SYN3: variants seen among roughly 807,000 people sequenced by gnomAD.
SYN3 encodes synapsin III, also known as synapsin-3.
A neutral mutation model predicts 65.8 loss-of-function variants in SYN3; 35 were observed. The ratio of observed to expected loss-of-function variants is 0.53; its 90% CI spans 0.41 to 0.70. The LOEUF (loss-of-function observed/expected upper bound fraction) is 0.70, where lower values mean the gene tolerates loss of function less well. Among genes scored for constraint, SYN3 ranks in the 30% least tolerant of loss-of-function variants. SYN3 has a pLI of 0.00. For synonymous variants in SYN3, 270 were observed against 292.9 expected, an observed-to-expected ratio of 0.92 and a Z score of 0.80; for missense variants, 680 against 749.0, an observed-to-expected ratio of 0.91 and a Z score of 1.08.
intron 3 of SYN3, among the ~76,000 whole-genome samples, chr22:32,945,209 A>G (rs1051014286): frequency 5.9e-5 from 9 of 152,254 alleles, no homozygotes; most frequent in Admixed American, 4.6e-4. Context: ...TTCATATGGA[A>G]CCAAAAAAGA....
chr22:33,019,145 T>C (rs2053520060), intron 1 of SYN3, among the ~76,000 whole-genome samples: 1 of 152,196 alleles, frequency 6.6e-6, no homozygotes, highest in African/African-American at 2.4e-5. Context: ...CACATATCCC[T>C]AGGATAAAGG....
intron 7 of SYN3, among the ~76,000 whole-genome samples, chr22:32,574,202 C>T (rs74343623): frequency 0.17 from 25,092 of 151,856 alleles, 2,413 homozygotes; most frequent in African/African-American, 0.26. Context: ...CATCGTGAGC[C>T]GGGTACAGTG....
chr22:32,594,897 T>C (rs1486098052), intron 7 of SYN3, among the ~76,000 whole-genome samples: 2 of 152,150 alleles, frequency 1.3e-5, no homozygotes, highest in Admixed American at 6.5e-5. Context: ...CACGTCTGGG[T>C]GGGCCTACTC....
At chr22:32,585,847 G>A (rs1053662905) in intron 7 of SYN3, among the ~76,000 whole-genome samples, 2 of 151,524 alleles carry the variant, frequency 1.3e-5, no homozygotes, top group Non-Finnish European at 2.9e-5. Context: ...GGGCATGTGT[G>A]TCTTTTATAT....
chr22:32,521,270 A>G (rs2057875986), intron 12 of SYN3, among the ~76,000 whole-genome samples: 1 of 152,132 alleles, frequency 6.6e-6, no homozygotes, highest in South Asian at 2.1e-4. Flanking sequence ...GGAAGTGAGG[A>G]GTAGGGCTGG....
chr22:32,988,276 C>G (rs2052589275), intron 2 of SYN3, among the ~76,000 whole-genome samples: 1 of 150,044 alleles, frequency 6.7e-6, no homozygotes, highest in Admixed American at 6.7e-5. Context: ...CACTGCACTC[C>G]AGTCTGGCAA....
At chr22:32,807,304 A>ATC (rs1256730317) in intron 6 of SYN3, among the ~76,000 whole-genome samples, 1 of 129,186 alleles carries the variant, frequency 7.7e-6, no homozygotes, top group Non-Finnish European at 1.6e-5. Context: ...ATATATATAT[A>ATC]TAAATATATA....
intron 3 of SYN3, among the ~76,000 whole-genome samples, chr22:32,975,324 G>A (rs1196237415): frequency 6.7e-6 from 1 of 150,348 alleles, no homozygotes; most frequent in Non-Finnish European, 1.5e-5. Flanking sequence ...GCAGTGAGCG[G>A]AGATCTCACC....
At chr22:32,631,390 C>A (rs558745130) in intron 6 of SYN3, among the ~76,000 whole-genome samples, 1 of 151,626 alleles carries the variant, frequency 6.6e-6, no homozygotes, top group Non-Finnish European at 1.5e-5. Flanking sequence ...TATTTTCAAA[C>A]GCTTGTCTCT....
chr22:32,719,273 C>T (rs1266659425), intron 6 of SYN3, among the ~76,000 whole-genome samples: 1 of 152,214 alleles, frequency 6.6e-6, no homozygotes, highest in Non-Finnish European at 1.5e-5. Context: ...GGCATAATTC[C>T]TAGCATACAG....
At chr22:32,875,619 A>G (rs1191432495) in intron 4 of SYN3, among the ~76,000 whole-genome samples, 1 of 152,210 alleles carries the variant, frequency 6.6e-6, no homozygotes, top group Non-Finnish European at 1.5e-5. Flanking sequence ...CCAATGACTG[A>G]TGTCTTTAGG....
chr22:32,720,524 C>T (rs1019983277), intron 6 of SYN3, among the ~76,000 whole-genome samples: 2 of 152,194 alleles, frequency 1.3e-5, no homozygotes, highest in African/African-American at 2.4e-5. Flanking sequence ...TGCCTTGCCC[C>T]GAATCACACT....
At chr22:32,633,735 A>G (rs1001783868) in intron 6 of SYN3, among the ~76,000 whole-genome samples, 15 of 151,950 alleles carry the variant, frequency 9.9e-5, no homozygotes, top group East Asian at 7.7e-4. Flanking sequence ...CAAGCCTCCT[A>G]CCTCAGCCTC....
intron 6 of SYN3, among the ~76,000 whole-genome samples, chr22:32,689,736 T>TTATGGACTGAAGGTTTA (rs1197220951): frequency 6.6e-6 from 1 of 152,142 alleles, no homozygotes; most frequent in African/African-American, 2.4e-5. Context: ...CTGGTCCTCA[T>TTATGGACTGAAGGTTTA]TATGGACTGA....
intron 6 of SYN3, among the ~76,000 whole-genome samples, chr22:32,693,905 C>A (rs2060701554): frequency 6.6e-6 from 1 of 151,980 alleles, no homozygotes; most frequent in Non-Finnish European, 1.5e-5. Flanking sequence ...TTTTATTGAA[C>A]ATCTTTATTT....
intron 7 of SYN3, among the ~76,000 whole-genome samples, chr22:32,543,733 G>A (rs12628631): frequency 0.15 from 23,223 of 152,040 alleles, 2,028 homozygotes; most frequent in African/African-American, 0.25. Context: ...AGCTCTGGCC[G>A]GTGAAACCTG....
chr22:33,010,850 C>T (rs1444034840), intron 1 of SYN3, among the ~76,000 whole-genome samples: 3 of 152,012 alleles, frequency 2.0e-5, no homozygotes, highest in African/African-American at 7.2e-5. Flanking sequence ...ATTCCTATTT[C>T]GTTTGGGGTT....
intron 3 of SYN3, 110 bp from the exon 4 acceptor site, chr22:32,931,591 T>G: frequency 2.8e-6 from 2 of 713,368 alleles, no homozygotes; most frequent in South Asian, 3.2e-5. Context: ...AAAGCTCCCC[T>G]CAAACTTAGG....
At chr22:32,802,179 G>A in intron 6 of SYN3, 1 of 1,538,020 alleles carries the variant, frequency 6.5e-7, no homozygotes, top group Non-Finnish European at 8.7e-7. Context: ...CTGCAGCGCT[G>A]CTTAGGGAGG....
Sources: allele counts gnomAD v4.1 joint callset (sites outside exome capture counted in the v4.1 genomes callset), GRCh38; gene constraint gnomAD v4.1.1; transcripts MANE v1.5; gene names NCBI Gene and HGNC (gene_info 2026-07-23, HGNC 2026-07-21).